The following MARCHF3 variants were observed in gnomAD, a reference collection of about 807,000 sequenced individuals.
The protein encoded by MARCHF3 is E3 ubiquitin-protein ligase MARCHF3.
A neutral mutation model predicts 24.2 loss-of-function variants in MARCHF3; 13 were observed. That is an observed-to-expected ratio of 0.54 (90% CI 0.35 to 0.85). The LOEUF is 0.85. Among genes scored for constraint, MARCHF3 ranks in the 40% least tolerant of loss-of-function variants. The pLI, the probability that MARCHF3 is intolerant of heterozygous loss-of-function variation, is 0.01. For synonymous variants in MARCHF3, 144 were observed against 137.3 expected, an observed-to-expected ratio of 1.05 and a Z score of -0.34; for missense variants, 276 against 325.0, an observed-to-expected ratio of 0.85 and a Z score of 1.16.
intron 1 of MARCHF3, among the ~76,000 whole-genome samples, chr5:126,956,138 AG>A (rs1750433938): frequency 1.3e-5 from 2 of 152,356 alleles, no homozygotes; most frequent in African/African-American, 4.8e-5. Context: ...TAAAATGAAT[AG>A]GTCTCAGATT....
At chr5:126,982,350 A>G (rs1178573302) in intron 1 of MARCHF3, among the ~76,000 whole-genome samples, 1 of 152,144 alleles carries the variant, frequency 6.6e-6, no homozygotes. Context: ...GACAGCAGCA[A>G]ATGGCTCTGT....
intron 1 of MARCHF3, among the ~76,000 whole-genome samples, chr5:126,989,324 A>G (rs945714279): frequency 6.7e-6 from 1 of 148,946 alleles, no homozygotes; most frequent in Non-Finnish European, 1.5e-5. Flanking sequence ...TACTACTACT[A>G]CTACTACTAC....
chr5:127,008,880 AATTTATTT>A (rs11270456), intron 1 of MARCHF3, among the ~76,000 whole-genome samples: 2,073 of 147,912 alleles, frequency 0.014, 21 homozygotes, highest in African/African-American at 0.031. Flanking sequence ...CTCTTTAAAA[AATTTATTT>A]ATTTATTTAT....
At chr5:126,928,279 C>T (rs926838932) in intron 1 of MARCHF3, among the ~76,000 whole-genome samples, 18 of 152,132 alleles carry the variant, frequency 1.2e-4, no homozygotes, top group Non-Finnish European at 2.5e-4. Flanking sequence ...CCAGATAAGT[C>T]CCAGGAGACC....
intron 3 of MARCHF3, among the ~76,000 whole-genome samples, chr5:126,882,034 A>G (rs894156810): frequency 1.3e-5 from 2 of 152,182 alleles, no homozygotes; most frequent in Non-Finnish European, 2.9e-5. Context: ...AGTCCTCACA[A>G]CAGTCCTATG....
chr5:126,908,146 G>GC (rs948376471), intron 3 of MARCHF3, among the ~76,000 whole-genome samples: 8 of 152,052 alleles, frequency 5.3e-5, no homozygotes, highest in African/African-American at 1.7e-4. Context: ...TTGAATATTG[G>GC]CCCCCACCCT....
intron 1 of MARCHF3, among the ~76,000 whole-genome samples, chr5:126,925,315 A>G (rs1181096465): frequency 5.9e-5 from 9 of 152,228 alleles, no homozygotes; most frequent in Admixed American, 2.6e-4. Context: ...TTAAAGTTAT[A>G]TTCAGAGTTA....
At chr5:127,007,841 A>C (rs1394381370) in intron 1 of MARCHF3, among the ~76,000 whole-genome samples, 1 of 152,156 alleles carries the variant, frequency 6.6e-6, no homozygotes, top group East Asian at 1.9e-4. Flanking sequence ...AGTATATTTA[A>C]AACTAATTAA....
At chr5:127,004,424 A>G (rs1293310501) in intron 1 of MARCHF3, among the ~76,000 whole-genome samples, 1 of 152,228 alleles carries the variant, frequency 6.6e-6, no homozygotes, top group Non-Finnish European at 1.5e-5. Flanking sequence ...TTAATGACGA[A>G]GGCAGAAATA....
chr5:126,963,549 A>G (rs1338809943), intron 1 of MARCHF3, among the ~76,000 whole-genome samples: 1 of 152,210 alleles, frequency 6.6e-6, no homozygotes, highest in Non-Finnish European at 1.5e-5. Flanking sequence ...GCATGACGTA[A>G]GAGATATTTG....
At chr5:126,903,122 A>C (rs1754161462) in intron 3 of MARCHF3, among the ~76,000 whole-genome samples, 1 of 152,036 alleles carries the variant, frequency 6.6e-6, no homozygotes, top group Non-Finnish European at 1.5e-5. Context: ...GGTCTATAAT[A>C]CTCTGAAAGG....
At chr5:126,898,843 AAGC>A (rs1754011828) in intron 3 of MARCHF3, 1 of 982,282 alleles carries the variant, frequency 1.0e-6, no homozygotes, top group African/African-American at 1.8e-5. Flanking sequence ...GCTAGAGGTG[AAGC>A]AATGATGAAA....
At chr5:126,895,586 G>C (rs1232782612) in intron 3 of MARCHF3, among the ~76,000 whole-genome samples, 3 of 152,102 alleles carry the variant, frequency 2.0e-5, no homozygotes, top group Non-Finnish European at 4.4e-5. Flanking sequence ...AGGTGTCAGT[G>C]TGCCCCTGCT....
chr5:127,004,647 A>G (rs550484559), intron 1 of MARCHF3, among the ~76,000 whole-genome samples: 1 of 152,174 alleles, frequency 6.6e-6, no homozygotes, highest in Non-Finnish European at 1.5e-5. Context: ...TGGGCAAAGA[A>G]GTACATGTAA....
intron 3 of MARCHF3, among the ~76,000 whole-genome samples, chr5:126,891,197 C>A (rs1753676041): frequency 6.6e-6 from 1 of 151,614 alleles, no homozygotes; most frequent in Admixed American, 6.6e-5. Context: ...AGCCCTTTGT[C>A]AGATGAGTAG....
intron 1 of MARCHF3, among the ~76,000 whole-genome samples, chr5:126,930,827 G>A (rs1749459646): frequency 6.6e-6 from 1 of 152,232 alleles, no homozygotes; most frequent in African/African-American, 2.4e-5. Flanking sequence ...GAGACTGACA[G>A]CAATCCAGGG....
At chr5:126,916,692 G>GACACACACACACACACACACACACACAC (rs34090036) in intron 2 of MARCHF3, among the ~76,000 whole-genome samples, 1 of 130,482 alleles carries the variant, frequency 7.7e-6, no homozygotes, top group Non-Finnish European at 1.6e-5. Flanking sequence ...CAGACAGACA[G>GACACACACACACACACACACACACACAC]ACACACACAC....
chr5:126,921,252 C>G (rs549297364), intron 1 of MARCHF3, among the ~76,000 whole-genome samples: 11 of 152,222 alleles, frequency 7.2e-5, no homozygotes, highest in African/African-American at 2.4e-4. Flanking sequence ...AGGGATTACA[C>G]AAAGCATTAG....
chr5:126,884,834 C>T (rs896476963), intron 3 of MARCHF3, among the ~76,000 whole-genome samples: 1 of 152,174 alleles, frequency 6.6e-6, no homozygotes, highest in Non-Finnish European at 1.5e-5. Context: ...CTGTCCAGTC[C>T]CAAAACAATA....
Sources: gnomAD v4.1 joint callset for allele counts (sites outside exome capture counted in the v4.1 genomes callset) on GRCh38, gnomAD v4.1.1 for gene constraint, MANE v1.5 for transcripts, NCBI Gene and HGNC (gene_info 2026-07-23, HGNC 2026-07-21) for gene names.